The following ZNF385D variants were observed in gnomAD, a reference collection of about 807,000 sequenced individuals.
ZNF385D encodes the protein zinc finger protein 385D, also known as zinc finger protein 659.
ZNF385D carries 15 observed loss-of-function variants against 35.8 expected under a neutral mutation model. The observed-to-expected ratio is 0.42, with a 90% CI of 0.28 to 0.64. The LOEUF is 0.64. Ranked by LOEUF, ZNF385D falls within the 30% of genes least tolerant of loss-of-function variation. ZNF385D has a pLI of 0.23. For synonymous variants in ZNF385D, 212 were observed against 186.8 expected, an observed-to-expected ratio of 1.13 and a Z score of -1.10; for missense variants, 474 against 494.6, an observed-to-expected ratio of 0.96 and a Z score of 0.39.
intron 3 of ZNF385D, among the ~76,000 whole-genome samples, chr3:22,150,063 T>C (rs1358439395): frequency 6.6e-6 from 1 of 152,218 alleles, no homozygotes; most frequent in Non-Finnish European, 1.5e-5. Flanking sequence ...AAGAGATTGC[T>C]GAAGTACTTT....
At chr3:21,584,711 T>C (rs1218827035) in intron 2 of ZNF385D, among the ~76,000 whole-genome samples, 2 of 152,222 alleles carry the variant, frequency 1.3e-5, no homozygotes, top group Admixed American at 1.3e-4. Flanking sequence ...TATCTTGATG[T>C]AAAACAAATT....
intron 3 of ZNF385D, among the ~76,000 whole-genome samples, chr3:22,103,324 A>C (rs1439710992): frequency 6.6e-6 from 1 of 151,948 alleles, no homozygotes; most frequent in Non-Finnish European, 1.5e-5. Context: ...ATTTTGCCTG[A>C]AACACAGTAA....
intron 3 of ZNF385D, among the ~76,000 whole-genome samples, chr3:22,059,642 G>A (rs762278658): frequency 3.3e-5 from 5 of 152,122 alleles, no homozygotes; most frequent in Non-Finnish European, 7.3e-5. Context: ...ATGCCTTTGA[G>A]TTCTCCAATG....
In ZNF385D at chr3:21,413,101, A is replaced by T. The variant is rs963258146; in HGVS notation, c.*8113T>A. ...GTAGTTCTTTGGGTTTTTAATGAAA[A>T]CAAATATAACAATAACATATAGAAT... On this transcript the variant is annotated 3_prime_UTR_variant, in exon 8 of 8. Transcript: ENST00000281523. 1 of 152,034 alleles carries T rather than the reference A, an allele frequency of 6.6e-6. No homozygotes were observed. The highest frequency in any genetic ancestry group is 2.4e-5 in the African/African-American group (1 of 41,410). The allele number at this position is 152,034 out of a possible 1,614,324, so 9.4% of individuals were successfully genotyped here. A position where few individuals can be genotyped will look rare whatever the true frequency, so the allele number is the denominator to read the frequency against.
intron 4 of ZNF385D, among the ~76,000 whole-genome samples, chr3:21,504,359 CCT>C (rs113972579): frequency 0.014 from 2,182 of 152,158 alleles, 48 homozygotes; most frequent in African/African-American, 0.05. Context: ...CACAGAATCC[CCT>C]GTTTTAATGA....
At chr3:22,158,730 A>G (rs1559415638) in intron 3 of ZNF385D, among the ~76,000 whole-genome samples, 1 of 151,984 alleles carries the variant, frequency 6.6e-6, no homozygotes, top group African/African-American at 2.4e-5. Context: ...AGAAACAAAC[A>G]AAAAACACGG....
chr3:21,482,295 TG>T (rs1354365149), intron 4 of ZNF385D, among the ~76,000 whole-genome samples: 1 of 152,138 alleles, frequency 6.6e-6, no homozygotes, highest in East Asian at 1.9e-4. Context: ...ATACACTGTC[TG>T]TTTTTCTAAA....
intron 2 of ZNF385D, among the ~76,000 whole-genome samples, chr3:21,571,046 C>A (rs6762855): frequency 6.6e-6 from 1 of 151,938 alleles, no homozygotes. Flanking sequence ...AAAGTACATA[C>A]ATTTTAAGTG....
At chr3:22,125,848 T>C (rs1703395281) in intron 3 of ZNF385D, among the ~76,000 whole-genome samples, 1 of 152,122 alleles carries the variant, frequency 6.6e-6, no homozygotes. Flanking sequence ...TACAAGATCA[T>C]ATCATCTGCA....
chr3:21,862,347 C>A lies in ZNF385D; in HGVS notation c.326-197319G>T, dbSNP rs61435555. Among the ~76,000 whole-genome samples the A allele has an allele frequency of 9.1e-3, 1,379 of 150,968 alleles. 18 individuals carry two copies. Among genetic ancestry groups the A allele is most frequent in the African/African-American group, 0.032 (1,305 of 41,096 alleles). ...TAAGAAATATGCAGTAAGTATAACA[C>A]CTTTGAAACTGAGAACATACTCAAA... On this transcript the variant is annotated intron_variant, in intron 3 of 5. Transcript: ENST00000494108.
intron 3 of ZNF385D, among the ~76,000 whole-genome samples, chr3:21,951,761 G>C (rs1575994384): frequency 6.6e-6 from 1 of 151,438 alleles, no homozygotes; most frequent in Admixed American, 6.6e-5. Context: ...TTTTAAATTT[G>C]TTCTATATAT....
chr3:21,615,477 C>T (rs989465936), intron 2 of ZNF385D, among the ~76,000 whole-genome samples: 7 of 152,034 alleles, frequency 4.6e-5, no homozygotes, highest in African/African-American at 7.2e-5. Context: ...TCTGAAATGG[C>T]GTCATATTCA....
At chr3:21,620,020 A>G (rs979492273) in intron 2 of ZNF385D, among the ~76,000 whole-genome samples, 3 of 152,166 alleles carry the variant, frequency 2.0e-5, no homozygotes, top group Non-Finnish European at 4.4e-5. Context: ...TCTCTCTTCA[A>G]TGATTACTAA....
intron 7 of ZNF385D, among the ~76,000 whole-genome samples, chr3:21,421,652 C>G (rs538527857): frequency 1.3e-5 from 2 of 152,146 alleles, no homozygotes; most frequent in East Asian, 1.9e-4. Context: ...AATGGCCAAC[C>G]GGGAATGCTT....
chr3:21,792,522 A>G (rs897695794), intron 3 of ZNF385D, among the ~76,000 whole-genome samples: 1 of 152,174 alleles, frequency 6.6e-6, no homozygotes, highest in Non-Finnish European at 1.5e-5. Context: ...TGGAATACCT[A>G]AAATAGTTAG....
At chr3:21,658,222 C>T (rs2066129905) in intron 2 of ZNF385D, among the ~76,000 whole-genome samples, 2 of 152,122 alleles carry the variant, frequency 1.3e-5, no homozygotes, top group Middle Eastern at 3.4e-3. Context: ...TTGATGAATA[C>T]TATAAAGAAT....
chr3:21,916,346 C>T (rs1478976001), intron 3 of ZNF385D, among the ~76,000 whole-genome samples: 3 of 152,112 alleles, frequency 2.0e-5, no homozygotes, highest in Non-Finnish European at 4.4e-5. Flanking sequence ...GTTCTTCAAA[C>T]TAACCCTCCA....
At chr3:21,845,706 T>A (rs146279718) in intron 3 of ZNF385D, among the ~76,000 whole-genome samples, 93 of 152,056 alleles carry the variant, frequency 6.1e-4, no homozygotes, top group African/African-American at 2.2e-3. Context: ...TATTATAACA[T>A]CAGGATCTTC....
chr3:22,317,280 C>CAAAAAAAAAAAAAAAAAAAAAAA (rs59675675), intron 2 of ZNF385D, among the ~76,000 whole-genome samples: 13 of 26,104 alleles, frequency 5.0e-4, no homozygotes, highest in Admixed American at 1.2e-3. Flanking sequence ...ACTCCATCTC[C>CAAAAAAAAAAAAAAAAAAAAAAA]AAAAAAAAAA....
Sources: allele counts gnomAD v4.1 joint callset (sites outside exome capture counted in the v4.1 genomes callset), GRCh38; gene constraint gnomAD v4.1.1; transcripts MANE v1.5; gene names NCBI Gene and HGNC (gene_info 2026-07-23, HGNC 2026-07-21).